PPM1E: variants seen among roughly 807,000 people sequenced by gnomAD.
The protein encoded by PPM1E is protein phosphatase, Mg2+/Mn2+ dependent 1E.
Under a neutral mutation model 65.9 loss-of-function variants are expected in PPM1E, and 20 were observed. The observed-to-expected ratio is 0.30, with a 90% CI of 0.21 to 0.44. The LOEUF is 0.44. Among genes scored for constraint, PPM1E ranks in the 20% least tolerant of loss-of-function variants. The pLI, the probability that PPM1E is intolerant of heterozygous loss-of-function variation, is 1.00. For synonymous variants in PPM1E, 352 were observed against 374.9 expected, an observed-to-expected ratio of 0.94 and a Z score of 0.70; for missense variants, 713 against 953.1, an observed-to-expected ratio of 0.75 and a Z score of 3.32.
chr17:58,956,575 T>A (rs1224916902), intron 2 of PPM1E, among the ~76,000 whole-genome samples: 1 of 152,084 alleles, frequency 6.6e-6, no homozygotes, highest in Admixed American at 6.6e-5. Flanking sequence ...TAAATAGAGC[T>A]CTTTATGATA....
chr17:58,839,372 G>A (rs376248113), intron 1 of PPM1E, among the ~76,000 whole-genome samples: 28 of 152,104 alleles, frequency 1.8e-4, no homozygotes, highest in East Asian at 1.7e-3. Flanking sequence ...AGGAGGCCAC[G>A]GGATTTGGGA....
intron 1 of PPM1E, among the ~76,000 whole-genome samples, chr17:58,849,533 A>G (rs1213180858): frequency 6.6e-6 from 1 of 152,178 alleles, no homozygotes; most frequent in Non-Finnish European, 1.5e-5. Context: ...TTATGTACCC[A>G]GTAGTCATTC....
intron 1 of PPM1E, among the ~76,000 whole-genome samples, chr17:58,843,913 A>G (rs1424322917): frequency 6.6e-6 from 1 of 152,192 alleles, no homozygotes; most frequent in African/African-American, 2.4e-5. Flanking sequence ...TATAAATGGG[A>G]TCCCCTAAGC....
chr17:58,827,539 T>C (rs1220913780), intron 1 of PPM1E, among the ~76,000 whole-genome samples: 1 of 152,194 alleles, frequency 6.6e-6, no homozygotes, highest in African/African-American at 2.4e-5. Context: ...CATTTGAATA[T>C]GTAGATTTAT....
At position 58,902,158 on chromosome 17, in the gene PPM1E, A is replaced by T. The variant is rs9908313; in HGVS notation, c.465-53491A>T. Among the ~76,000 whole-genome samples the T allele has an allele frequency of 1.1e-3, 169 of 151,508 alleles. 1 individual carries two copies. The highest frequency in any genetic ancestry group is 3.5e-3 in the African/African-American group (144 of 41,494). The stretch of plus-strand genomic sequence containing the variant: ...AAAATGAGGTAAAGGAGAAAAAATT[A>T]AAAAAAATAGACCTGTATACAGAGT... On this transcript the variant is annotated intron_variant, in intron 1 of 6. Coordinates refer to ENST00000308249, the MANE Select transcript of PPM1E (RefSeq NM_014906.5).
At chr17:58,890,027 A>G (rs917227133) in intron 1 of PPM1E, among the ~76,000 whole-genome samples, 3 of 152,220 alleles carry the variant, frequency 2.0e-5, no homozygotes, top group Admixed American at 6.5e-5. Flanking sequence ...CTCAATTTAC[A>G]TTAGTTATGT....
At chr17:58,948,853 T>G (rs535196435) in intron 1 of PPM1E, among the ~76,000 whole-genome samples, 22 of 152,340 alleles carry the variant, frequency 1.4e-4, no homozygotes, top group African/African-American at 5.3e-4. Flanking sequence ...GTTTCTAGTT[T>G]TATTCCATAG....
chr17:58,805,986 A>AAAAAC (rs2050308749), intron 1 of PPM1E, among the ~76,000 whole-genome samples: 1 of 105,726 alleles, frequency 9.5e-6, no homozygotes, highest in Non-Finnish European at 1.8e-5. Flanking sequence ...AAAAAAAAAC[A>AAAAAC]AAACAAAACA....
At chr17:58,923,356 T>C (rs1471644469) in intron 1 of PPM1E, among the ~76,000 whole-genome samples, 1 of 151,242 alleles carries the variant, frequency 6.6e-6, no homozygotes, top group Non-Finnish European at 1.5e-5. Context: ...GCACCACTTA[T>C]TATCCCAAAG....
intron 2 of PPM1E, among the ~76,000 whole-genome samples, chr17:58,965,196 CCTT>C (rs1387457477): frequency 1.3e-5 from 2 of 151,916 alleles, no homozygotes; most frequent in Non-Finnish European, 2.9e-5. Context: ...CAACGTAAAC[CCTT>C]CTTATTTCTG....
chr17:58,908,463 G>A (rs926220343), intron 1 of PPM1E, among the ~76,000 whole-genome samples: 1 of 150,714 alleles, frequency 6.6e-6, no homozygotes, highest in Non-Finnish European at 1.5e-5. Context: ...TTTTAAGGCG[G>A]GGTTTTGCTC....
intron 1 of PPM1E, among the ~76,000 whole-genome samples, chr17:58,794,566 T>G: frequency 6.6e-6 from 1 of 152,136 alleles, no homozygotes; most frequent in East Asian, 1.9e-4. Context: ...CTTCTCCCAC[T>G]CTTCATCTTC....
At chr17:58,935,079 C>T (rs1707727951) in intron 1 of PPM1E, among the ~76,000 whole-genome samples, 1 of 151,736 alleles carries the variant, frequency 6.6e-6, no homozygotes, top group Middle Eastern at 3.4e-3. Flanking sequence ...AGTGAAACCC[C>T]GTCTCTACTA....
chr17:58,798,752 G>A (rs924715294), intron 1 of PPM1E, among the ~76,000 whole-genome samples: 1 of 151,598 alleles, frequency 6.6e-6, no homozygotes, highest in Non-Finnish European at 1.5e-5. Flanking sequence ...GGAGTTCAGT[G>A]GCATGATCTT....
At chr17:58,967,803 CTTT>C (rs1164198879) in intron 3 of PPM1E, among the ~76,000 whole-genome samples, 2 of 138,048 alleles carry the variant, frequency 1.4e-5, no homozygotes. Flanking sequence ...TTCTTTATTT[CTTT>C]TTTTTTTTTT....
intron 1 of PPM1E, among the ~76,000 whole-genome samples, chr17:58,781,139 CTTTTTTTTT>C (rs35359689): frequency 8.1e-6 from 1 of 123,130 alleles, no homozygotes; most frequent in Non-Finnish European, 1.7e-5. Context: ...GTGCAGATGT[CTTTTTTTTT>C]TTTTTTTTTT....
At chr17:58,771,000 G>T (rs961342211) in intron 1 of PPM1E, among the ~76,000 whole-genome samples, 1 of 151,918 alleles carries the variant, frequency 6.6e-6, no homozygotes, top group Non-Finnish European at 1.5e-5. Context: ...GGGACTACAG[G>T]CGCATGCCAC....
At chr17:58,807,529 C>A (rs2050327542) in intron 1 of PPM1E, among the ~76,000 whole-genome samples, 1 of 152,072 alleles carries the variant, frequency 6.6e-6, no homozygotes, top group South Asian at 2.1e-4. Flanking sequence ...AACTCTGTGA[C>A]TATACTAAAC....
At chr17:58,811,020 GA>G (rs1333106665) in intron 1 of PPM1E, among the ~76,000 whole-genome samples, 1 of 152,046 alleles carries the variant, frequency 6.6e-6, no homozygotes, top group Non-Finnish European at 1.5e-5. Flanking sequence ...ACTATGCCTG[GA>G]AAATTTTTGT....
Sources: gnomAD v4.1 joint callset for allele counts (sites outside exome capture counted in the v4.1 genomes callset) on GRCh38, gnomAD v4.1.1 for gene constraint, MANE v1.5 for transcripts, NCBI Gene and HGNC (gene_info 2026-07-23, HGNC 2026-07-21) for gene names.